ZNF831: variants seen among roughly 807,000 people sequenced by gnomAD.
ZNF831 encodes the protein zinc finger protein 831.
A neutral mutation model predicts 95.8 loss-of-function variants in ZNF831; 59 were observed. That is an observed-to-expected ratio of 0.62 (90% confidence interval 0.50 to 0.77). The LOEUF (loss-of-function observed/expected upper bound fraction) is 0.77, where lower values mean the gene tolerates loss of function less well. Among genes scored for constraint, ZNF831 ranks in the 30% least tolerant of loss-of-function variants. The probability of loss-of-function intolerance (pLI) is 0.00; values close to 1 mark genes in which losing one functional copy is unlikely to be tolerated. For synonymous variants in ZNF831, 961 were observed against 925.5 expected (o/e 1.04, Z -0.70); for missense variants, 2,205 against 2,164.0 (o/e 1.02, Z -0.38).
intron 4 of ZNF831, among the ~76,000 whole-genome samples, chr20:59,235,083 C>T (rs7270917): frequency 0.12 from 17,932 of 152,066 alleles, 1,345 homozygotes; most frequent in South Asian, 0.33. Flanking sequence ...TTTTATGGCA[C>T]TTTGGAGGAC....
chr20:59,189,284 G>A (rs918532593), intron 1 of ZNF831, among the ~76,000 whole-genome samples: 1 of 152,102 alleles, frequency 6.6e-6, no homozygotes, highest in Non-Finnish European at 1.5e-5. Flanking sequence ...TAACTTTAGT[G>A]CTTACATTTG....
chr20:59,213,451 C>T (rs1478754248), intron 4 of ZNF831, among the ~76,000 whole-genome samples: 1 of 152,160 alleles, frequency 6.6e-6, no homozygotes, highest in Non-Finnish European at 1.5e-5. Context: ...GGCCTTTCCC[C>T]TGTAGCAATG....
chr20:59,155,088 T>A (rs988704094), intron 2 of ZNF831, among the ~76,000 whole-genome samples: 2 of 152,234 alleles, frequency 1.3e-5, no homozygotes, highest in Admixed American at 1.3e-4. Flanking sequence ...GCTGGACAAG[T>A]AACTTGAATA....
chr20:59,199,126 TC>T (rs1984349752), intron 3 of ZNF831, among the ~76,000 whole-genome samples: 3 of 118,816 alleles, frequency 2.5e-5, no homozygotes. Flanking sequence ...TATCTATCTA[TC>T]TATCTATCAC....
At chr20:59,153,837 G>A (rs1980386073) in intron 2 of ZNF831, among the ~76,000 whole-genome samples, 1 of 152,224 alleles carries the variant, frequency 6.6e-6, no homozygotes, top group Admixed American at 6.5e-5. Flanking sequence ...GTACCTAATT[G>A]GAGCTGGGCT....
intron 4 of ZNF831, among the ~76,000 whole-genome samples, chr20:59,210,950 G>A (rs918177497): frequency 1.2e-5 from 1 of 85,488 alleles, no homozygotes; most frequent in Non-Finnish European, 2.2e-5. Flanking sequence ...GGAGAATGGC[G>A]TGAACCCGGG....
intron 1 of ZNF831, among the ~76,000 whole-genome samples, chr20:59,180,547 C>CT (rs1401770843): frequency 6.6e-6 from 1 of 151,948 alleles, no homozygotes; most frequent in Non-Finnish European, 1.5e-5. Context: ...ACGACAGGCT[C>CT]TGGTGTGTGA....
Position 59,194,579 on chromosome 20 carries a change from G to T in ZNF831, c.3560G>T (p.Cys1187Phe), listed in dbSNP as rs1236412427. 2.5e-6 allele frequency: 4 copies of T among 1,609,590 alleles called. No homozygotes were observed. Among genetic ancestry groups the T allele is most frequent in the Non-Finnish European group, 8.5e-7 (1 of 1,177,578 alleles). ...GCTGAGCCGCGGCTCACGTGGTGTTGCCTGAGCCGCAGTGTCCCTCTGCCC... is the reference window on the plus strand; with the variant it reads ...GCTGAGCCGCGGCTCACGTGGTGTTTCCTGAGCCGCAGTGTCCCTCTGCCC... Reference protein sequence around the residue: ...LKAEPRLTWCCLSRSVPLPAE... With the variant: ...LKAEPRLTWCFLSRSVPLPAE... The change falls in exon 2 of 6, where the codon TGC becomes TTC. Residue 1187 changes from cysteine (C) to phenylalanine (F), a missense_variant. Coordinates refer to ENST00000371030, the MANE Select transcript of ZNF831 (RefSeq NM_178457.3).
chr20:59,178,617 T>A lies in ZNF831; in HGVS notation c.-36-12367T>A, dbSNP rs536913231. Among the ~76,000 whole-genome samples the A allele has an allele frequency of 3.2e-3, 483 of 152,338 alleles. 3 individuals are homozygous for A. The highest frequency in any genetic ancestry group is 4.9e-3 in the Non-Finnish European group (330 of 68,020). ...TCATGCCTTGAAAAAAATGTATTAA[T>A]AACTCACTCTACAACTTGGATATAC... On this transcript the variant is annotated intron_variant, in intron 1 of 5. Transcript: ENST00000371030.
intron 1 of ZNF831, among the ~76,000 whole-genome samples, chr20:59,184,533 A>G (rs1982859138): frequency 1.3e-5 from 2 of 152,150 alleles, no homozygotes; most frequent in Non-Finnish European, 2.9e-5. Context: ...TTTTAAAGCA[A>G]TGGTGTTCTA....
chr20:59,149,316 A>C (rs1980084638), intron 2 of ZNF831, among the ~76,000 whole-genome samples: 1 of 152,250 alleles, frequency 6.6e-6, no homozygotes, highest in East Asian at 1.9e-4. Flanking sequence ...GCCCAGTCTC[A>C]ATGGCAAACT....
At chr20:59,220,289 A>G (rs1985993530) in intron 4 of ZNF831, among the ~76,000 whole-genome samples, 1 of 152,148 alleles carries the variant, frequency 6.6e-6, no homozygotes, top group Non-Finnish European at 1.5e-5. Context: ...TGGGACACAA[A>G]AGGCAAGACT....
intron 4 of ZNF831, among the ~76,000 whole-genome samples, chr20:59,220,939 C>A (rs1355247473): frequency 6.6e-6 from 1 of 152,176 alleles, no homozygotes; most frequent in Non-Finnish European, 1.5e-5. Flanking sequence ...AGGTCCTCAT[C>A]TGTAGAATGG....
At position 59,233,168 on chromosome 20, in the gene ZNF831, G is replaced by A. The variant is rs928458656; in HGVS notation, c.4028-19810G>A. 3.3e-5 allele frequency among the ~76,000 whole-genome samples: 5 copies of A among 152,212 alleles called. No individual in the cohort carries two copies. The Middle Eastern group carries it at 0.01, about 311-fold the overall frequency. ...TGGCTCTGAGGTCCAGGTTCTTAGCGGTTGCATTGTTACCTGCCTCTGCAT... is the reference window on the plus strand; with the variant it reads ...TGGCTCTGAGGTCCAGGTTCTTAGCAGTTGCATTGTTACCTGCCTCTGCAT... On this transcript the variant is annotated intron_variant, in intron 4 of 5. Coordinates refer to ENST00000371030, the MANE Select transcript of ZNF831 (RefSeq NM_178457.3).
chr20:59,130,543 A>C (rs971168261), intron 1 of ZNF831, among the ~76,000 whole-genome samples: 4 of 152,208 alleles, frequency 2.6e-5, no homozygotes, highest in African/African-American at 4.8e-5. Context: ...TGAGCAAGAC[A>C]GGCTGTGTGA....
In ZNF831 at chr20:59,190,877, T is replaced by C. The variant is rs1008226228; in HGVS notation, c.-36-107T>C. ...GATGAGAGTACATTCCTTAGGGGAT[T>C]GTCAGGCTTCCGTTGGGTGATGAAG... is the stretch of plus-strand genomic sequence containing the variant. On this transcript the variant is annotated intron_variant, in intron 1 of 5. Transcript: ENST00000371030. 1.0e-4 allele frequency: 101 copies of C among 975,160 alleles called. 1 individual carries two copies. Among genetic ancestry groups the C allele is most frequent in the South Asian group, 7.5e-4 (27 of 35,782 alleles). 60.4% of individuals were successfully genotyped at this position (975,160 alleles called of 1,614,324 possible). A position where few individuals can be genotyped will look rare whatever the true frequency, so the allele number is the denominator to read the frequency against.
chr20:59,188,712 G>A (rs1983267352), intron 1 of ZNF831, among the ~76,000 whole-genome samples: 1 of 152,108 alleles, frequency 6.6e-6, no homozygotes, highest in Non-Finnish European at 1.5e-5. Flanking sequence ...TTATTGCATT[G>A]TAAGAGTTCT....
At chr20:59,172,356 C>T (rs1045649451) in intron 1 of ZNF831, among the ~76,000 whole-genome samples, 2 of 152,262 alleles carry the variant, frequency 1.3e-5, no homozygotes, top group African/African-American at 2.4e-5. Context: ...TATTCTGGGA[C>T]CCCCCAACAA....
At chr20:59,135,424 C>T (rs1979470833) in intron 1 of ZNF831, among the ~76,000 whole-genome samples, 1 of 151,842 alleles carries the variant, frequency 6.6e-6, no homozygotes, top group Non-Finnish European at 1.5e-5. Flanking sequence ...CATCTCTACA[C>T]AAAATAATAA....
Sources: gnomAD v4.1 joint callset for allele counts (sites outside exome capture counted in the v4.1 genomes callset) on GRCh38, gnomAD v4.1.1 for gene constraint, MANE v1.5 for transcripts, NCBI Gene and HGNC (gene_info 2026-07-23, HGNC 2026-07-21) for gene names.